The following SLC38A9 variants were observed in gnomAD, a reference collection of about 807,000 sequenced individuals.
SLC38A9 encodes the protein solute carrier family 38 member 9, also known as neutral amino acid transporter 9.
SLC38A9 carries 48 observed loss-of-function variants against 62.3 expected under a neutral mutation model. That is an observed-to-expected ratio of 0.77 (90% CI 0.61 to 0.98). SLC38A9 has a LOEUF of 0.98. Among genes scored for constraint, SLC38A9 ranks in the 50% least tolerant of loss-of-function variants. The pLI is 0.00. For missense variants in SLC38A9, 541 were observed against 679.8 expected, an observed-to-expected ratio of 0.80 and a Z score of 2.27; for synonymous variants, 204 against 227.7, an observed-to-expected ratio of 0.90 and a Z score of 0.94.
At chr5:55,656,134 T>C (rs981864810) in intron 9 of SLC38A9, among the ~76,000 whole-genome samples, 11 of 151,666 alleles carry the variant, frequency 7.3e-5, no homozygotes, top group Non-Finnish European at 1.5e-4. Flanking sequence ...ATGGATACTG[T>C]AGATAAAATT....
At chr5:55,703,055 T>G (rs1436083581) in intron 2 of SLC38A9, among the ~76,000 whole-genome samples, 1 of 152,184 alleles carries the variant, frequency 6.6e-6, no homozygotes, top group Non-Finnish European at 1.5e-5. Context: ...TTATCTATTT[T>G]AAGATGTGAC....
At chr5:55,678,544 A>C (rs1580315952) in intron 3 of SLC38A9, among the ~76,000 whole-genome samples, 1 of 152,046 alleles carries the variant, frequency 6.6e-6, no homozygotes, top group African/African-American at 2.4e-5. Flanking sequence ...TACTGCAATC[A>C]CTAAATGTAA....
At chr5:55,661,810 G>C (rs1453215058) in intron 8 of SLC38A9, among the ~76,000 whole-genome samples, 1 of 152,164 alleles carries the variant, frequency 6.6e-6, no homozygotes, top group Non-Finnish European at 1.5e-5. Flanking sequence ...GTTAGTATCC[G>C]AACTTTACAG....
chr5:55,688,610 G>A (rs1481476519), intron 3 of SLC38A9, among the ~76,000 whole-genome samples: 1 of 151,918 alleles, frequency 6.6e-6, no homozygotes, highest in Non-Finnish European at 1.5e-5. Flanking sequence ...TCGATCTCCT[G>A]ACCTCGTGAT....
intron 2 of SLC38A9, among the ~76,000 whole-genome samples, chr5:55,702,048 T>C (rs529484561): frequency 1.3e-4 from 20 of 152,358 alleles, no homozygotes; most frequent in Non-Finnish European, 2.5e-4. Flanking sequence ...CGGACTCATA[T>C]GTCCACTTTT....
chr5:55,687,754 A>G (rs1035857066), intron 3 of SLC38A9, among the ~76,000 whole-genome samples: 5 of 152,064 alleles, frequency 3.3e-5, no homozygotes, highest in Non-Finnish European at 5.9e-5. Context: ...GCTGGAGTGC[A>G]GTGGCGTGAT....
rs563956763 is a variant in SLC38A9, at chr5:55,672,491, G to A, written c.246+72C>T. Reference sequence around the variant, plus strand: ...CAGAAAGAAGTTCAATCACTGGGAGGTGCCCTGGCTTATATTGTTCACTGT... The same window carrying A: ...CAGAAAGAAGTTCAATCACTGGGAGATGCCCTGGCTTATATTGTTCACTGT... On this transcript the variant is annotated intron_variant, in intron 4 of 15. Transcript: ENST00000396865. 6.6e-5 allele frequency: 100 copies of A among 1,526,000 alleles called. No homozygotes were observed. The South Asian group carries it at 1.2e-3, about 18-fold the overall frequency. 94.5% of individuals were successfully genotyped at this position (1,526,000 alleles called of 1,614,324 possible).
At chr5:55,693,082 A>G in intron 3 of SLC38A9, 1 of 825,962 alleles carries the variant, frequency 1.2e-6, no homozygotes, top group Non-Finnish European at 1.5e-6. Context: ...ACTCAAAAAA[A>G]TAAGGATTCT....
chr5:55,683,240 CT>C (rs1299597705), intron 3 of SLC38A9, among the ~76,000 whole-genome samples: 2 of 152,060 alleles, frequency 1.3e-5, no homozygotes, highest in African/African-American at 2.4e-5. Flanking sequence ...CAGATGAGGT[CT>C]CATGATGTTG....
chr5:55,691,330 G>A, intron 3 of SLC38A9: 1 of 1,448,876 alleles, frequency 6.9e-7, no homozygotes, highest in Non-Finnish European at 9.1e-7. Flanking sequence ...GGTGAATAAG[G>A]GGCAGAAGAA....
At chr5:55,639,983 C>CTTTTTTT (rs36073153) in intron 12 of SLC38A9, among the ~76,000 whole-genome samples, 20 of 98,460 alleles carry the variant, frequency 2.0e-4, no homozygotes, top group Non-Finnish European at 2.8e-4. Context: ...TAAACCTTTG[C>CTTTTTTT]TTTTTTTTTT....
At chr5:55,710,202 CT>C (rs34035874) in intron 2 of SLC38A9, among the ~76,000 whole-genome samples, 109,587 of 139,232 alleles carry the variant, frequency 0.79, 42,932 homozygotes, top group East Asian at 0.89. Flanking sequence ...TAGGTGACAA[CT>C]TTTTTTTTTT....
rs753365524 is a variant in SLC38A9, at chr5:55,672,640, C to A, written c.169G>T (p.Val57Phe). Residue 57 changes from valine (V) to phenylalanine (F), a missense_variant, in exon 4 of 16, where the codon GTT becomes TTT. Transcript: ENST00000396865. ...IVNVNHVIQR[V>F]SDHASAMNKR... ...TTCATGGCAGAGGCATGGTCACTAA[C>A]CCTCTGAATGACATGATTCACATTC... 6.2e-7 allele frequency: 1 copy of A among 1,614,022 alleles called. No homozygotes were observed. The highest frequency in any genetic ancestry group is 1.1e-5 in the South Asian group (1 of 91,068).
chr5:55,627,865 G>A, intron 15 of SLC38A9, 26 bp downstream of exon 15: 1 of 1,412,744 alleles, frequency 7.1e-7, no homozygotes, highest in Non-Finnish European at 9.9e-7. Context: ...TATATGTAAG[G>A]GCACCATTCC....
intron 8 of SLC38A9, among the ~76,000 whole-genome samples, chr5:55,662,214 T>G (rs1206273724): frequency 2.6e-5 from 4 of 152,236 alleles, no homozygotes; most frequent in Non-Finnish European, 5.9e-5. Flanking sequence ...AAGCCTTGCT[T>G]GTAATAGCAC....
intron 4 of SLC38A9, among the ~76,000 whole-genome samples, chr5:55,670,089 C>T (rs964859354): frequency 3.3e-5 from 5 of 152,126 alleles, no homozygotes; most frequent in African/African-American, 4.8e-5. Context: ...CTCAGCCTCC[C>T]GAGTAGCTGG....
chr5:55,655,931 A>AT (rs1748334375), intron 9 of SLC38A9, among the ~76,000 whole-genome samples: 1 of 152,142 alleles, frequency 6.6e-6, no homozygotes, highest in East Asian at 1.9e-4. Flanking sequence ...ACAAGGGTTT[A>AT]TTTTTTAAAA....
At chr5:55,632,173 C>G (rs1743577938) in intron 14 of SLC38A9, among the ~76,000 whole-genome samples, 1 of 152,188 alleles carries the variant, frequency 6.6e-6, no homozygotes, top group Admixed American at 6.5e-5. Context: ...TGCAGTGGCT[C>G]ACGCCGGTAA....
rs1747739829 is a variant in SLC38A9, at chr5:55,652,717, C to T, written c.764G>A (p.Cys255Tyr). The change falls in exon 10 of 16, where the codon TGT becomes TAT. Residue 255 changes from cysteine (C) to tyrosine (Y), a missense_variant. Cys to Tyr is a radical substitution (Grantham distance 194, BLOSUM62 -2). Coordinates refer to ENST00000396865, the MANE Select transcript of SLC38A9 (RefSeq NM_173514.4). ...ATGGCCTCCACTCCCGGCACTTGGA[C>T]AAATCACTGCAATAGGAAAGCACCA... Reference protein sequence around the residue: ...LSTNNSNPVICPSAGSGGHPD... With the variant: ...LSTNNSNPVIYPSAGSGGHPD... 6.2e-7 allele frequency: 1 copy of T among 1,608,434 alleles called. No homozygotes were observed. Among genetic ancestry groups the T allele is most frequent in the South Asian group, 1.1e-5 (1 of 90,508 alleles).
Sources: gnomAD v4.1 joint callset for allele counts (sites outside exome capture counted in the v4.1 genomes callset) on GRCh38, gnomAD v4.1.1 for gene constraint, MANE v1.5 for transcripts, NCBI Gene and HGNC (gene_info 2026-07-23, HGNC 2026-07-21) for gene names.